The following ADGRB3 variants were observed in gnomAD, a reference collection of about 807,000 sequenced individuals.
ADGRB3 encodes the protein brain-specific angiogenesis inhibitor 3.
A neutral mutation model predicts 193.4 loss-of-function variants in ADGRB3; 37 were observed. That is an observed-to-expected ratio of 0.19 (90% CI 0.15 to 0.25). ADGRB3 has a LOEUF of 0.25. Among genes scored for constraint, ADGRB3 ranks in the 10% least tolerant of loss-of-function variants. The pLI is 1.00. For missense variants in ADGRB3, 1,637 were observed against 1,852.9 expected (o/e 0.88, Z 2.14); for synonymous variants, 690 against 644.2 (o/e 1.07, Z -1.08).
At chr6:68,839,101 C>T (rs1027771528) in intron 3 of ADGRB3, among the ~76,000 whole-genome samples, 2 of 137,078 alleles carry the variant, frequency 1.5e-5, no homozygotes, top group East Asian at 5.6e-4. Context: ...CACACACACA[C>T]ACACACACAT....
At chr6:68,762,138 G>T (rs7738621) in intron 3 of ADGRB3, among the ~76,000 whole-genome samples, 3,799 of 152,130 alleles carry the variant, frequency 0.025, 149 homozygotes, top group African/African-American at 0.085. Context: ...TAGTTTTAAT[G>T]CAGTATTTTA....
intron 18 of ADGRB3, among the ~76,000 whole-genome samples, 177 bp from the exon 19 acceptor site, chr6:69,234,855 A>G (rs1026155845): frequency 2.0e-5 from 3 of 152,098 alleles, no homozygotes; most frequent in African/African-American, 7.2e-5. Context: ...GGAAGCTGCA[A>G]TTAGTATTTT....
At chr6:68,814,279 C>CT (rs1767580432) in intron 3 of ADGRB3, among the ~76,000 whole-genome samples, 1 of 152,090 alleles carries the variant, frequency 6.6e-6, no homozygotes, top group African/African-American at 2.4e-5. Context: ...TCTCATTGTG[C>CT]TTTTGATTTG....
chr6:68,780,645 C>T (rs1307147935), intron 3 of ADGRB3, among the ~76,000 whole-genome samples: 1 of 152,098 alleles, frequency 6.6e-6, no homozygotes, highest in Non-Finnish European at 1.5e-5. Context: ...CTTTGTACTT[C>T]AACTTCTTAA....
chr6:68,956,565 T>C (rs1768082345), intron 7 of ADGRB3, 80 bp from the exon 8 acceptor site: 1 of 1,526,002 alleles, frequency 6.6e-7, no homozygotes, highest in South Asian at 1.2e-5. Context: ...ATGGAAGGGG[T>C]AGTAACATTC....
chr6:69,335,112 T>G (rs1768818714), intron 24 of ADGRB3, among the ~76,000 whole-genome samples: 1 of 151,908 alleles, frequency 6.6e-6, no homozygotes, highest in South Asian at 2.1e-4. Flanking sequence ...GAAATGAATA[T>G]GATATTGAGG....
At chr6:68,876,058 T>A (rs1765586207) in intron 3 of ADGRB3, among the ~76,000 whole-genome samples, 1 of 152,060 alleles carries the variant, frequency 6.6e-6, no homozygotes, top group Non-Finnish European at 1.5e-5. Context: ...CATATATAAT[T>A]CGGCTACTCT....
Position 68,815,638 on chromosome 6 carries a change from T to TGTGTGTGG in ADGRB3, c.758-114918_758-114917insTGTGGGTG, listed in dbSNP as rs146536913. The stretch of plus-strand genomic sequence containing the variant: ...GTGTGTGTGTGTGTGTGTGTGTGTG[T>TGTGTGTGG]GTGCATGTAGATCTCATTTGATGTA... On this transcript the variant is annotated intron_variant, in intron 3 of 31. Coordinates refer to ENST00000370598, the MANE Select transcript of ADGRB3 (RefSeq NM_001704.3). Among the ~76,000 whole-genome samples the TGTGTGTGG allele has an allele frequency of 3.2e-3, 480 of 149,514 alleles. 4 individuals carry two copies. The highest frequency in any genetic ancestry group is 0.014 in the East Asian group (71 of 5,000).
At chr6:69,136,038 C>A (rs1774139652) in intron 17 of ADGRB3, among the ~76,000 whole-genome samples, 1 of 151,978 alleles carries the variant, frequency 6.6e-6, no homozygotes, top group Non-Finnish European at 1.5e-5. Context: ...CTAGGACACT[C>A]TTTACTGAAA....
At chr6:68,656,429 A>T (rs1438975499) in intron 3 of ADGRB3, among the ~76,000 whole-genome samples, 1 of 151,568 alleles carries the variant, frequency 6.6e-6, no homozygotes, top group African/African-American at 2.4e-5. Context: ...AATCATCTGT[A>T]ACACACTGGA....
At chr6:69,052,062 G>C (rs992216840) in intron 15 of ADGRB3, among the ~76,000 whole-genome samples, 4 of 152,040 alleles carry the variant, frequency 2.6e-5, no homozygotes, top group Admixed American at 1.3e-4. Context: ...GGCTAATTTT[G>C]TATTTTTAGT....
intron 16 of ADGRB3, among the ~76,000 whole-genome samples, chr6:69,070,963 A>G (rs1772061617): frequency 6.6e-6 from 1 of 152,330 alleles, no homozygotes; most frequent in Middle Eastern, 3.4e-3. Flanking sequence ...TTCTTAATAG[A>G]CAAAAGTACT....
Position 69,361,462 on chromosome 6 carries a change from G to A in ADGRB3, c.4189G>A (p.Gly1397Arg). 6.2e-7 allele frequency: 1 copy of A among 1,612,704 alleles called. No homozygotes were observed. Among genetic ancestry groups the A allele is most frequent in the Non-Finnish European group, 8.5e-7 (1 of 1,179,092 alleles). Residue 1397 changes from glycine (G) to arginine (R), a missense_variant, in exon 29 of 32, where the codon GGA (glycine) becomes AGA (arginine). Coordinates refer to ENST00000370598, the MANE Select transcript of ADGRB3 (RefSeq NM_001704.3). ...FMASELDDNAGLSRSETGSTI... is the reference protein window; with the variant it reads ...FMASELDDNARLSRSETGSTI... ...GGCCTCTGAGTTGGATGATAATGCA[G>A]GACTATCAAGAAGTGAAACTGGATC...
chr6:69,096,198 A>G (rs1286604200), intron 17 of ADGRB3, among the ~76,000 whole-genome samples: 2 of 152,132 alleles, frequency 1.3e-5, no homozygotes, highest in African/African-American at 4.8e-5. Context: ...CTAATTTTTC[A>G]CCACTAACTG....
intron 3 of ADGRB3, among the ~76,000 whole-genome samples, chr6:68,785,716 C>T (rs1214836293): frequency 6.6e-6 from 1 of 152,136 alleles, no homozygotes; most frequent in African/African-American, 2.4e-5. Flanking sequence ...GTTCTAGATC[C>T]CTGAGAAATC....
intron 3 of ADGRB3, among the ~76,000 whole-genome samples, chr6:68,861,899 C>A (rs1765165823): frequency 6.6e-6 from 1 of 152,110 alleles, no homozygotes; most frequent in Non-Finnish European, 1.5e-5. Context: ...GTAATATATG[C>A]AAAGTGCTTA....
intron 4 of ADGRB3, among the ~76,000 whole-genome samples, chr6:68,931,236 C>G (rs1352943279): frequency 6.6e-6 from 1 of 151,474 alleles, no homozygotes; most frequent in East Asian, 1.9e-4. Flanking sequence ...AATTAAATAC[C>G]AACCTAAACT....
At chr6:68,938,748 T>A (rs889929226) in intron 5 of ADGRB3, among the ~76,000 whole-genome samples, 2 of 152,064 alleles carry the variant, frequency 1.3e-5, no homozygotes, top group African/African-American at 4.8e-5. Context: ...GTACAGTGGG[T>A]TTTCTGGGAA....
In ADGRB3 at chr6:69,258,721, A is replaced by G. The variant is rs144684035; in HGVS notation, c.2814+19495A>G. 3.3e-3 allele frequency among the ~76,000 whole-genome samples: 496 copies of G among 152,380 alleles called. 1 individual carries two copies. Among genetic ancestry groups the G allele is most frequent in the African/African-American group, 0.011 (469 of 41,590 alleles). On this transcript the variant is annotated intron_variant, in intron 20 of 31. Transcript: ENST00000370598. ...GTGCACAATATGGAAAAGTATACCA[A>G]GACAGTAGTGGTTCCCAACAAGAGT...
Sources: gnomAD v4.1 joint callset for allele counts (sites outside exome capture counted in the v4.1 genomes callset) on GRCh38, gnomAD v4.1.1 for gene constraint, MANE v1.5 for transcripts, NCBI Gene and HGNC (gene_info 2026-07-23, HGNC 2026-07-21) for gene names.